TEAD1: variants seen among roughly 807,000 people sequenced by gnomAD.
The protein encoded by TEAD1 is transcriptional enhancer factor TEF-1.
In TEAD1, 9 loss-of-function variants were observed where a neutral mutation model predicts 54.9. The observed-to-expected ratio is 0.16, with a 90% CI of 0.10 to 0.29. The LOEUF (loss-of-function observed/expected upper bound fraction) is 0.29, where lower values mean the gene tolerates loss of function less well. Ranked by LOEUF, TEAD1 falls within the 10% of genes least tolerant of loss-of-function variation. The pLI is 1.00. For synonymous variants in TEAD1, 200 were observed against 187.8 expected (o/e 1.07, Z -0.53); for missense variants, 387 against 535.9 (o/e 0.72, Z 2.74).
At chr11:12,835,563 G>T (rs543239217) in intron 3 of TEAD1, among the ~76,000 whole-genome samples, 1 of 150,708 alleles carries the variant, frequency 6.6e-6, no homozygotes, top group African/African-American at 2.4e-5. Context: ...CATGTGATCC[G>T]CCCGCCTTGG....
chr11:12,846,152 C>G (rs1165320307), intron 3 of TEAD1, among the ~76,000 whole-genome samples: 1 of 152,168 alleles, frequency 6.6e-6, no homozygotes, highest in Non-Finnish European at 1.5e-5. Flanking sequence ...TTGAAAATCC[C>G]CAGATGCTGT....
chr11:12,774,045 C>T (rs1056808215), intron 3 of TEAD1, among the ~76,000 whole-genome samples: 3 of 152,088 alleles, frequency 2.0e-5, no homozygotes, highest in Non-Finnish European at 4.4e-5. Flanking sequence ...ATGGCTTGGT[C>T]GTAGGAGTCT....
chr11:12,880,004 A>G (rs1947933906), intron 6 of TEAD1, among the ~76,000 whole-genome samples, 162 bp downstream of exon 6: 1 of 152,022 alleles, frequency 6.6e-6, no homozygotes, highest in Non-Finnish European at 1.5e-5. Flanking sequence ...GGTGAAAGTA[A>G]GGAGGGAAGG....
chr11:12,933,682 A>T (rs921559712), intron 12 of TEAD1, among the ~76,000 whole-genome samples: 4 of 152,176 alleles, frequency 2.6e-5, no homozygotes, highest in Admixed American at 1.3e-4. Flanking sequence ...AAGAAGTTTG[A>T]ATAGGTTGTA....
chr11:12,770,839 A>T (rs1945297835), intron 3 of TEAD1, among the ~76,000 whole-genome samples: 1 of 152,222 alleles, frequency 6.6e-6, no homozygotes, highest in Admixed American at 6.5e-5. Flanking sequence ...TGACTTGTAT[A>T]TGTTTGAGAA....
rs780231125 is a variant in TEAD1, at chr11:12,883,021, C to A, written c.595C>A (p.Pro199Thr). The A allele has an allele frequency of 6.2e-7, 1 of 1,614,164 alleles. No individual in the cohort carries two copies. Among genetic ancestry groups the A allele is most frequent in the Non-Finnish European group, 8.5e-7 (1 of 1,180,026 alleles). The change falls in exon 9 of 13, where the codon CCA becomes ACA. Residue 199 changes from proline (P) to threonine (T), a missense_variant. Physicochemically the swap from Pro to Thr is conservative, Grantham distance 38 (BLOSUM62 -1). Around this residue, in one of 5 missense-constraint regions of TEAD1, gnomAD observed 180 missense variants for 180.6 expected, o/e 1.00. Coordinates refer to ENST00000527636, the MANE Select transcript of TEAD1 (RefSeq NM_021961.6). ...TTCAGGGTTTGAGCCTGCATCGGCC[C>A]CAGCTCCCTCAGTCCCTGCCTGGCA...
chr11:12,676,219 A>G (rs1221469862), intron 2 of TEAD1, among the ~76,000 whole-genome samples: 1 of 152,248 alleles, frequency 6.6e-6, no homozygotes, highest in East Asian at 1.9e-4. Flanking sequence ...GTTCACAACA[A>G]CCACAGATTT....
intron 3 of TEAD1, among the ~76,000 whole-genome samples, chr11:12,809,638 C>G (rs1444625482): frequency 6.6e-6 from 1 of 152,134 alleles, no homozygotes; most frequent in Admixed American, 6.5e-5. Flanking sequence ...TGGTAGTGCC[C>G]TTTTTAGAGA....
chr11:12,680,834 C>T (rs1310631313), intron 2 of TEAD1, among the ~76,000 whole-genome samples: 1 of 152,152 alleles, frequency 6.6e-6, no homozygotes, highest in Non-Finnish European at 1.5e-5. Context: ...GGTAGGCGTG[C>T]CTATTGTTAT....
intron 3 of TEAD1, among the ~76,000 whole-genome samples, chr11:12,852,609 G>A (rs566865830): frequency 3.6e-4 from 55 of 152,126 alleles, no homozygotes; most frequent in Middle Eastern, 3.4e-3. Flanking sequence ...CACCACGTCA[G>A]GCTAATTTTT....
chr11:12,805,223 C>T (rs1429753439), intron 3 of TEAD1, among the ~76,000 whole-genome samples: 2 of 152,150 alleles, frequency 1.3e-5, no homozygotes, highest in Non-Finnish European at 2.9e-5. Flanking sequence ...CATCTGCCTG[C>T]AAGACACATG....
chr11:12,689,648 A>G (rs1292096673), intron 2 of TEAD1, among the ~76,000 whole-genome samples: 1 of 152,080 alleles, frequency 6.6e-6, no homozygotes, highest in Non-Finnish European at 1.5e-5. Context: ...TCTCTTTTTG[A>G]AGGAGGGGGT....
intron 9 of TEAD1, among the ~76,000 whole-genome samples, chr11:12,892,806 A>C (rs978425930): frequency 6.6e-6 from 1 of 152,116 alleles, no homozygotes; most frequent in Non-Finnish European, 1.5e-5. Flanking sequence ...CAGTTGCTCC[A>C]TCTTGGGGTG....
chr11:12,859,820 CAG>C (rs563993192), intron 3 of TEAD1, among the ~76,000 whole-genome samples: 14 of 152,184 alleles, frequency 9.2e-5, no homozygotes, highest in African/African-American at 1.9e-4. Context: ...AGACTGGAAA[CAG>C]GGGTAGGGAC....
At chr11:12,833,732 C>A (rs566292473) in intron 3 of TEAD1, among the ~76,000 whole-genome samples, 126 of 152,194 alleles carry the variant, frequency 8.3e-4, no homozygotes, top group African/African-American at 2.9e-3. Context: ...TTTGGTCACA[C>A]AGAATTAATA....
chr11:12,679,092 C>T (rs755675649), intron 2 of TEAD1, among the ~76,000 whole-genome samples: 2 of 152,096 alleles, frequency 1.3e-5, no homozygotes, highest in Non-Finnish European at 2.9e-5. Flanking sequence ...AACTGTGAAA[C>T]TCACTCGTTT....
intron 2 of TEAD1, among the ~76,000 whole-genome samples, chr11:12,734,758 G>A (rs765583800): frequency 8.5e-5 from 13 of 152,150 alleles, no homozygotes; most frequent in Non-Finnish European, 1.9e-4. Flanking sequence ...GTACCAAATA[G>A]CCTAGATGTG....
intron 2 of TEAD1, among the ~76,000 whole-genome samples, chr11:12,743,140 A>G (rs1944679203): frequency 6.6e-6 from 1 of 152,252 alleles, no homozygotes; most frequent in Non-Finnish European, 1.5e-5. Context: ...AACATTTAGA[A>G]GAAATGAAAC....
chr11:12,931,191 T>C (rs1299800121), intron 12 of TEAD1, among the ~76,000 whole-genome samples: 3 of 152,240 alleles, frequency 2.0e-5, no homozygotes, highest in Non-Finnish European at 2.9e-5. Context: ...CCAGTGCCCC[T>C]GGATGGTTCT....
Sources: allele counts gnomAD v4.1 joint callset (sites outside exome capture counted in the v4.1 genomes callset), GRCh38; gene constraint gnomAD v4.1.1; regional missense constraint gnomAD v4.1.1; transcripts MANE v1.5; gene names NCBI Gene and HGNC (gene_info 2026-07-23, HGNC 2026-07-21).